Variants in STON1 observed in about 807,000 individuals in gnomAD.
The protein encoded by STON1 is stonin 1.
Under a neutral mutation model 60.9 loss-of-function variants are expected in STON1, and 79 were observed. The ratio of observed to expected loss-of-function variants is 1.30; its 90% CI spans 1.08 to 1.56. The LOEUF (loss-of-function observed/expected upper bound fraction) is 1.56, where lower values mean the gene tolerates loss of function less well. STON1 is among the 40% of genes most tolerant of loss of function. The pLI is 0.00. For missense variants in STON1, 1,166 were observed against 858.9 expected (o/e 1.36, Z -4.47); for synonymous variants, 363 against 306.9 (o/e 1.18, Z -1.91).
At chr2:48,532,538 G>T (rs1671256011) in intron 1 of STON1, among the ~76,000 whole-genome samples, 2 of 151,776 alleles carry the variant, frequency 1.3e-5, no homozygotes, top group South Asian at 4.2e-4. Context: ...AAAATCTTCA[G>T]TCTCTTCCTC....
chr2:48,530,708 C>G (rs1395174004), intron 1 of STON1: 1 of 152,558 alleles, frequency 6.6e-6, no homozygotes, highest in Non-Finnish European at 1.5e-5. Flanking sequence ...TCCCTGGTAC[C>G]TCAGCTCGGA....
chr2:48,596,550 T>G lies in STON1; in HGVS notation c.*1248T>G, dbSNP rs948963156. 30 of 152,258 alleles carry G rather than the reference T, an allele frequency of 2.0e-4. No homozygotes were observed. Among genetic ancestry groups the G allele is most frequent in the Admixed American group, 2.0e-3 (30 of 15,292 alleles). The allele number at this position is 152,258 out of a possible 1,614,324, so 9.4% of individuals were successfully genotyped here. ...GGTATTAATATACCTTCAATTTATGTTGAGTCTTAAACATAATTAGGAGAT... is the reference window on the plus strand; with the variant it reads ...GGTATTAATATACCTTCAATTTATGGTGAGTCTTAAACATAATTAGGAGAT... On this transcript the variant is annotated 3_prime_UTR_variant, in exon 4 of 4. Coordinates refer to ENST00000404752, the MANE Select transcript of STON1 (RefSeq NM_006873.4).
chr2:48,548,681 T>C lies in STON1; in HGVS notation c.-48+18465T>C, dbSNP rs117731090. Among the ~76,000 whole-genome samples the C allele has an allele frequency of 4.5e-3, 684 of 151,908 alleles. 19 individuals carry two copies. The East Asian group carries it at 0.075, about 17-fold the overall frequency. On this transcript the variant is annotated intron_variant, in intron 1 of 3. Coordinates refer to ENST00000404752, the MANE Select transcript of STON1 (RefSeq NM_006873.4). ...GCCTGCCTAATTTTTGCATTTTTAG[T>C]AGATGTGGGGGTTTCACCATGTTGC...
intron 1 of STON1, among the ~76,000 whole-genome samples, chr2:48,579,483 G>C (rs1673747805): frequency 6.6e-6 from 1 of 151,986 alleles, no homozygotes; most frequent in African/African-American, 2.4e-5. Flanking sequence ...TTGATCCATT[G>C]GTTGTTCAAG....
chr2:48,552,561 G>A (rs1448897164), intron 1 of STON1, among the ~76,000 whole-genome samples: 1 of 152,032 alleles, frequency 6.6e-6, no homozygotes, highest in East Asian at 1.9e-4. Context: ...TCAGGAGTTC[G>A]GGACCAGCCT....
At position 48,530,159 on chromosome 2, in the gene STON1, C is replaced by T. The variant is rs1671138824; in HGVS notation, c.-105C>T. On this transcript the variant is annotated 5_prime_UTR_variant, in exon 1 of 4. Coordinates refer to ENST00000404752, the MANE Select transcript of STON1 (RefSeq NM_006873.4). Reference sequence around the variant, plus strand: ...TCCCCCTCCTCCTCCCCCTCCTCTTCCTCCGCCTCCTGGTGTGGCTGGCTG... The same window carrying T: ...TCCCCCTCCTCCTCCCCCTCCTCTTTCTCCGCCTCCTGGTGTGGCTGGCTG... The T allele has an allele frequency of 2.5e-6, 1 of 403,204 alleles. No homozygotes were observed. The highest frequency in any genetic ancestry group is 4.8e-6 in the Non-Finnish European group (1 of 206,936). 25.0% of individuals were successfully genotyped at this position (403,204 alleles called of 1,614,324 possible). A position where few individuals can be genotyped will look rare whatever the true frequency, so the allele number is the denominator to read the frequency against.
intron 2 of STON1, among the ~76,000 whole-genome samples, chr2:48,583,820 C>T (rs1475077090): frequency 1.3e-5 from 2 of 150,546 alleles, no homozygotes; most frequent in Non-Finnish European, 2.9e-5. Context: ...GGCACAATCT[C>T]GGCTTACTGC....
At chr2:48,575,923 TA>T (rs1673467795) in intron 1 of STON1, among the ~76,000 whole-genome samples, 1 of 151,544 alleles carries the variant, frequency 6.6e-6, no homozygotes. Context: ...CACGCCTGGC[TA>T]ATTTTGCATT....
At chr2:48,530,237 G>A (rs773348565) in intron 1 of STON1, 21 bp downstream of exon 1, 22 of 371,652 alleles carry the variant, frequency 5.9e-5, no homozygotes, top group Non-Finnish European at 7.8e-5. Flanking sequence ...AGCCCCAGGG[G>A]ACAGAGACGG....
In STON1 at chr2:48,596,453, T is replaced by G. The variant is rs1212299349; in HGVS notation, c.*1151T>G. On this transcript the variant is annotated 3_prime_UTR_variant, in exon 4 of 4. Transcript: ENST00000404752. ...TCCTTTCAGCATTTACAGTGAAAAG[T>G]GAGAATTTTAAAATTTATGAAATCT... is the stretch of plus-strand genomic sequence containing the variant. The G allele has an allele frequency of 6.6e-6, 1 of 152,180 alleles. No homozygotes were observed. The highest frequency in any genetic ancestry group is 1.5e-5 in the Non-Finnish European group (1 of 68,032). 9.4% of individuals were successfully genotyped at this position (152,180 alleles called of 1,614,324 possible).
intron 1 of STON1, among the ~76,000 whole-genome samples, chr2:48,571,328 A>T (rs1673199874): frequency 6.6e-6 from 1 of 152,164 alleles, no homozygotes; most frequent in Non-Finnish European, 1.5e-5. Context: ...GCAGCTGGGG[A>T]CTTGGTGCCA....
chr2:48,570,345 A>G (rs1397068953), intron 1 of STON1, among the ~76,000 whole-genome samples: 1 of 152,222 alleles, frequency 6.6e-6, no homozygotes. Flanking sequence ...AATTAAAAAA[A>G]AAAAGAATTC....
intron 1 of STON1, among the ~76,000 whole-genome samples, chr2:48,579,783 T>A (rs186077516): frequency 6.6e-6 from 1 of 152,324 alleles, no homozygotes; most frequent in East Asian, 1.9e-4. Flanking sequence ...TCTGTCTGGA[T>A]GTTCTGTGTA....
intron 1 of STON1, among the ~76,000 whole-genome samples, chr2:48,532,153 G>A (rs1671236680): frequency 6.6e-6 from 1 of 151,986 alleles, no homozygotes; most frequent in African/African-American, 2.4e-5. Flanking sequence ...TTCGAGACCA[G>A]CCTGGCCAAC....
chr2:48,532,748 G>T (rs1671265452), intron 1 of STON1, among the ~76,000 whole-genome samples: 1 of 152,136 alleles, frequency 6.6e-6, no homozygotes, highest in Non-Finnish European at 1.5e-5. Context: ...ACGGGGGCCT[G>T]GACCTAAGGA....
At chr2:48,571,593 C>T (rs1673212157) in intron 1 of STON1, among the ~76,000 whole-genome samples, 1 of 152,198 alleles carries the variant, frequency 6.6e-6, no homozygotes, top group Non-Finnish European at 1.5e-5. Flanking sequence ...GGTAAAGTAG[C>T]AGATGACTGA....
At chr2:48,556,827 G>A (rs376835361) in intron 1 of STON1, among the ~76,000 whole-genome samples, 8,895 of 54,130 alleles carry the variant, frequency 0.16, 1,705 homozygotes, top group Admixed American at 0.22. Context: ...CGGACGGGGC[G>A]GCTGGCCGGG....
At chr2:48,558,693 GC>G (rs1420546082) in intron 1 of STON1, among the ~76,000 whole-genome samples, 1 of 152,180 alleles carries the variant, frequency 6.6e-6, no homozygotes, top group Non-Finnish European at 1.5e-5. Context: ...GGGTATAGTG[GC>G]AAAGGGCTTG....
At chr2:48,577,909 C>T (rs1673611314) in intron 1 of STON1, among the ~76,000 whole-genome samples, 1 of 151,228 alleles carries the variant, frequency 6.6e-6, no homozygotes, top group Non-Finnish European at 1.5e-5. Flanking sequence ...AGCCACCGAG[C>T]CCGGCCAAAA....
Sources: gnomAD v4.1 joint callset for allele counts (sites outside exome capture counted in the v4.1 genomes callset) on GRCh38, gnomAD v4.1.1 for gene constraint, MANE v1.5 for transcripts, NCBI Gene and HGNC (gene_info 2026-07-23, HGNC 2026-07-21) for gene names.